Variants in CFAP54 observed in about 807,000 individuals in gnomAD.
CFAP54 encodes the protein cilia and flagella associated protein 54, also known as cilia- and flagella-associated protein 54.
CFAP54 carries 290 observed loss-of-function variants against 370.4 expected under a neutral mutation model. The ratio of observed to expected loss-of-function variants is 0.78; its 90% CI spans 0.71 to 0.86. The LOEUF (loss-of-function observed/expected upper bound fraction) is 0.86, where lower values mean the gene tolerates loss of function less well. Ranked by LOEUF, CFAP54 falls within the 40% of genes least tolerant of loss-of-function variation. The probability of loss-of-function intolerance (pLI) is 0.00; values close to 1 mark genes in which losing one functional copy is unlikely to be tolerated. For synonymous variants in CFAP54, 1,206 were observed against 1,236.5 expected, an observed-to-expected ratio of 0.98 and a Z score of 0.52; for missense variants, 3,399 against 3,528.7, an observed-to-expected ratio of 0.96 and a Z score of 0.93.
rs556822106 is a variant in CFAP54, at chr12:96,600,280, T to G, written c.3639+1513T>G. On this transcript the variant is annotated intron_variant, in intron 26 of 67. Coordinates refer to ENST00000524981, the MANE Select transcript of CFAP54 (RefSeq NM_001306084.2). ...AATCCTTTCCCCACTGCTTATTTTT[T>G]TCAGGTTTTTCAAAGATCAGATGGT... Among the ~76,000 whole-genome samples the G allele has an allele frequency of 3.3e-5, 5 of 152,276 alleles. No individual in the cohort carries two copies. The South Asian group carries it at 1.0e-3, about 32-fold the overall frequency.
chr12:96,651,183 T>C (rs1250975168), intron 35 of CFAP54, among the ~76,000 whole-genome samples: 2 of 152,252 alleles, frequency 1.3e-5, no homozygotes, highest in Admixed American at 6.5e-5. Flanking sequence ...TTTTTCTTTA[T>C]AAAACTTCTT....
intron 26 of CFAP54, among the ~76,000 whole-genome samples, chr12:96,601,111 A>G (rs1956236793): frequency 6.6e-6 from 1 of 152,068 alleles, no homozygotes; most frequent in Admixed American, 6.6e-5. Context: ...AATAGCTCTT[A>G]TTATTTTGAG....
intron 49 of CFAP54, 58 bp downstream of exon 49, chr12:96,718,580 C>T: frequency 1.9e-6 from 2 of 1,026,540 alleles, no homozygotes; most frequent in South Asian, 1.4e-5. Flanking sequence ...CACTATTAGG[C>T]CCTGGATGGG....
chr12:96,855,557 TGCAAGTCCAA>T (rs1368790293), intron 66 of CFAP54, among the ~76,000 whole-genome samples: 1 of 152,192 alleles, frequency 6.6e-6, no homozygotes, highest in Non-Finnish European at 1.5e-5. Flanking sequence ...ACAGGCCCCA[TGCAAGTCCAA>T]AATCCAAAAG....
At chr12:96,712,430 G>T (rs1386875222) in intron 48 of CFAP54, among the ~76,000 whole-genome samples, 1 of 151,960 alleles carries the variant, frequency 6.6e-6, no homozygotes, top group Non-Finnish European at 1.5e-5. Context: ...TGTATGTGGG[G>T]TATATGTTTT....
intron 66 of CFAP54, among the ~76,000 whole-genome samples, chr12:96,845,400 T>C (rs891129583): frequency 1.3e-5 from 2 of 152,216 alleles, no homozygotes; most frequent in African/African-American, 4.8e-5. Flanking sequence ...AAACTTCGTT[T>C]TCTCAGCTCT....
chr12:96,756,601 G>T, intron 57 of CFAP54, 38 bp downstream of exon 57: 1 of 1,408,294 alleles, frequency 7.1e-7, no homozygotes, highest in South Asian at 1.2e-5. Context: ...GTGTGTGTTT[G>T]GCTTGAGCCC....
chr12:96,738,765 C>T (rs1958012784), intron 50 of CFAP54, among the ~76,000 whole-genome samples: 1 of 152,080 alleles, frequency 6.6e-6, no homozygotes, highest in Non-Finnish European at 1.5e-5. Context: ...CGCGTGCCAC[C>T]ACGCCTGGCT....
chr12:96,514,832 C>T (rs1480750512), intron 5 of CFAP54, among the ~76,000 whole-genome samples: 1 of 152,016 alleles, frequency 6.6e-6, no homozygotes, highest in East Asian at 1.9e-4. Flanking sequence ...GTATTCTAAT[C>T]TTATTAGGAG....
chr12:96,765,403 AC>A (rs1438617088), intron 60 of CFAP54, 185 bp downstream of exon 60: 1 of 405,890 alleles, frequency 2.5e-6, no homozygotes, highest in African/African-American at 2.1e-5. Flanking sequence ...GCACATGTGT[AC>A]CTGTTACTCA....
chr12:96,564,967 T>C (rs1955852242), intron 19 of CFAP54: 1 of 320,354 alleles, frequency 3.1e-6, no homozygotes, highest in African/African-American at 2.1e-5. Flanking sequence ...TCTCTTTTTA[T>C]CAGAACTTCA....
chr12:96,763,199 T>C (rs1186062352), intron 58 of CFAP54, among the ~76,000 whole-genome samples: 5 of 152,148 alleles, frequency 3.3e-5, no homozygotes, highest in Non-Finnish European at 7.4e-5. Flanking sequence ...TTCACTTCTG[T>C]AGCATTGACT....
In CFAP54 at chr12:96,630,174, G is replaced by T. The variant is rs1956590516; in HGVS notation, c.4185G>T (p.Lys1395Asn). The T allele has an allele frequency of 6.7e-7, 1 of 1,501,396 alleles. No individual in the cohort carries two copies. Among genetic ancestry groups the T allele is most frequent in the African/African-American group, 1.4e-5 (1 of 72,184 alleles). 93.0% of individuals were successfully genotyped at this position (1,501,396 alleles called of 1,614,324 possible). The change falls in exon 31 of 68, where the codon AAG (lysine) becomes AAT (asparagine). Residue 1395 changes from lysine to asparagine, a missense_variant. By Grantham distance (94) the Lys-to-Asn change is moderately conservative (BLOSUM62 0). Around this residue, in one of 3 missense-constraint regions of CFAP54, gnomAD observed 2,796 missense variants for 2,869.7 expected, o/e 0.97. Transcript: ENST00000524981. ...ALNKKANKSL[K>N]FKAAVMEIGR... ...ATAAAAAAGCAAACAAATCTTTAAA[G>T]TTCAAAGCTGCAGTAATGGAAATTG...
At chr12:96,617,564 G>A (rs1330098233) in intron 26 of CFAP54, among the ~76,000 whole-genome samples, 1 of 152,192 alleles carries the variant, frequency 6.6e-6, no homozygotes, top group Non-Finnish European at 1.5e-5. Context: ...GTCACATGGT[G>A]ACACCATTGA....
intron 65 of CFAP54, among the ~76,000 whole-genome samples, chr12:96,820,113 A>T (rs1348132889): frequency 6.6e-6 from 1 of 152,188 alleles, no homozygotes; most frequent in Non-Finnish European, 1.5e-5. Context: ...GAGCAATGGG[A>T]GACACAGACT....
chr12:96,826,338 CA>C (rs1027936728), intron 65 of CFAP54, among the ~76,000 whole-genome samples: 151 of 138,354 alleles, frequency 1.1e-3, no homozygotes, highest in African/African-American at 3.7e-3. Context: ...ATATAGTCTA[CA>C]ATATATATAC....
chr12:96,742,676 T>C (rs1958065979), intron 52 of CFAP54, 90 bp downstream of exon 52: 5 of 1,269,714 alleles, frequency 3.9e-6, no homozygotes, highest in South Asian at 1.4e-5. Flanking sequence ...ATTATGTTAA[T>C]GTTTTATAAC....
chr12:96,856,972 G>A (rs1188478380), intron 66 of CFAP54, among the ~76,000 whole-genome samples: 1 of 152,104 alleles, frequency 6.6e-6, no homozygotes, highest in Non-Finnish European at 1.5e-5. Context: ...GCAGGACTGG[G>A]GAGGCCTCAG....
intron 63 of CFAP54, among the ~76,000 whole-genome samples, chr12:96,804,053 A>AT (rs1958851491): frequency 6.6e-6 from 1 of 152,144 alleles, no homozygotes; most frequent in South Asian, 2.1e-4. Context: ...TTTAAAAAAA[A>AT]GAATTTCTGA....
Sources: gnomAD v4.1 joint callset for allele counts (sites outside exome capture counted in the v4.1 genomes callset) on GRCh38, gnomAD v4.1.1 for gene constraint, gnomAD v4.1.1 regional missense constraint, MANE v1.5 for transcripts, NCBI Gene and HGNC (gene_info 2026-07-23, HGNC 2026-07-21) for gene names.